The following RBPMS variants were observed in gnomAD, a reference collection of about 807,000 sequenced individuals.
The protein encoded by RBPMS is RNA-binding protein with multiple splicing.
Under a neutral mutation model 26.8 loss-of-function variants are expected in RBPMS, and 7 were observed. The ratio of observed to expected loss-of-function variants is 0.26; its 90% confidence interval spans 0.15 to 0.49. RBPMS has a LOEUF of 0.49. Among genes scored for constraint, RBPMS ranks in the 20% least tolerant of loss-of-function variants. The probability of loss-of-function intolerance (pLI) is 0.98; values close to 1 mark genes in which losing one functional copy is unlikely to be tolerated. For missense variants in RBPMS, 186 were observed against 250.0 expected (o/e 0.74, Z 1.73); for synonymous variants, 96 against 93.3 (o/e 1.03, Z -0.17).
chr8:30,448,016 C>A (rs1031981919), intron 1 of RBPMS, among the ~76,000 whole-genome samples: 2 of 152,070 alleles, frequency 1.3e-5, no homozygotes, highest in African/African-American at 4.8e-5. Context: ...TTTCAGTGTT[C>A]CTAAATTTCC....
At chr8:30,524,366 C>A (rs2150993366) in intron 5 of RBPMS, among the ~76,000 whole-genome samples, 1 of 152,192 alleles carries the variant, frequency 6.6e-6, no homozygotes, top group South Asian at 2.1e-4. Flanking sequence ...ATGTACACAG[C>A]CAACAGCCAT....
intron 1 of RBPMS, among the ~76,000 whole-genome samples, chr8:30,458,960 T>A (rs1308177474): frequency 6.0e-5 from 9 of 150,592 alleles, no homozygotes; most frequent in Non-Finnish European, 5.9e-5. Context: ...CCCAGCATGT[T>A]GGCTTTTTTT....
chr8:30,558,620 A>T (rs1827177865), intron 6 of RBPMS: 1 of 564,346 alleles, frequency 1.8e-6, no homozygotes, highest in Admixed American at 3.0e-5. Context: ...GGAGGATGAG[A>T]GCAGAGGAGT....
At chr8:30,425,828 A>C (rs1353115162) in intron 1 of RBPMS, among the ~76,000 whole-genome samples, 1 of 152,116 alleles carries the variant, frequency 6.6e-6, no homozygotes, top group African/African-American at 2.4e-5. Context: ...TAACAATCCT[A>C]GGAGGAGGTA....
Position 30,571,542 on chromosome 8 carries a change from A to ATGTC in RBPMS, c.*1021_*1024dup, listed in dbSNP as rs1828251310. Reference sequence around the variant, plus strand: ...CCCACCTGGCTGCAGTGGGCAGCTCATGTCTGTATCTCCAAAGTGATGTTT... The same window carrying ATGTC: ...CCCACCTGGCTGCAGTGGGCAGCTCATGTCTGTCTGTATCTCCAAAGTGATGTTT... On this transcript the variant is annotated 3_prime_UTR_variant, in exon 9 of 9. Coordinates refer to ENST00000397323, the MANE Select transcript of RBPMS (RefSeq NM_001008710.3). The ATGTC allele has an allele frequency of 1.3e-5, 2 of 152,216 alleles. No individual in the cohort carries two copies. The highest frequency in any genetic ancestry group is 2.9e-5 in the Non-Finnish European group (2 of 68,056). The allele number at this position is 152,216 out of a possible 1,614,324, so 9.4% of individuals were successfully genotyped here. A position where few individuals can be genotyped will look rare whatever the true frequency, so the allele number is the denominator to read the frequency against.
At chr8:30,549,630 G>A in intron 6 of RBPMS, 1 of 1,467,234 alleles carries the variant, frequency 6.8e-7, no homozygotes, top group Non-Finnish European at 9.6e-7. Context: ...ACAGGAGGAG[G>A]GGCGGACGGG....
At chr8:30,472,615 A>G (rs775787256) in intron 1 of RBPMS, among the ~76,000 whole-genome samples, 5 of 152,256 alleles carry the variant, frequency 3.3e-5, no homozygotes, top group Non-Finnish European at 7.3e-5. Context: ...ATATATCATA[A>G]AATAAGGCAT....
chr8:30,428,420 C>T (rs151247049), intron 1 of RBPMS, among the ~76,000 whole-genome samples: 2 of 151,832 alleles, frequency 1.3e-5, no homozygotes, highest in East Asian at 3.9e-4. Flanking sequence ...CATGCCACTG[C>T]ACTGCAGCCT....
intron 1 of RBPMS, among the ~76,000 whole-genome samples, chr8:30,415,023 C>T (rs1265743783): frequency 1.3e-5 from 2 of 152,148 alleles, no homozygotes; most frequent in Admixed American, 6.5e-5. Flanking sequence ...TCCTTTGTCC[C>T]AGACTTCTGT....
In RBPMS at chr8:30,426,680, C is replaced by CTT. The variant is rs796851926; in HGVS notation, c.66+41537_66+41538dup. Among the ~76,000 whole-genome samples, 897 of 127,668 alleles carry CTT rather than the reference C, an allele frequency of 7.0e-3. 6 individuals carry two copies. The highest frequency in any genetic ancestry group is 0.01 in the Non-Finnish European group (592 of 58,636). The allele number at this position is 127,668 out of a possible 152,430, so 83.8% of individuals were successfully genotyped here. A position where few individuals can be genotyped will look rare whatever the true frequency, so the allele number is the denominator to read the frequency against. On this transcript the variant is annotated intron_variant, in intron 1 of 8. Transcript: ENST00000397323. ...TTCTCACTTTGCTTGCAGTGATTTT[C>CTT]TTTTTTTTTTTTTTTTGCTTACTAT... is the stretch of plus-strand genomic sequence containing the variant.
chr8:30,521,364 T>C (rs891949929), intron 5 of RBPMS, among the ~76,000 whole-genome samples: 7 of 152,242 alleles, frequency 4.6e-5, no homozygotes, highest in Non-Finnish European at 1.0e-4. Context: ...TATGGTTCTG[T>C]CATGATTGGT....
chr8:30,547,608 G>A, intron 6 of RBPMS: 1 of 783,202 alleles, frequency 1.3e-6, no homozygotes, highest in Non-Finnish European at 1.9e-6. Flanking sequence ...GGAGAATTGG[G>A]CCTGTGACAC....
At chr8:30,456,643 T>C (rs1284449153) in intron 1 of RBPMS, among the ~76,000 whole-genome samples, 1 of 152,126 alleles carries the variant, frequency 6.6e-6, no homozygotes, top group African/African-American at 2.4e-5. Flanking sequence ...TAATTAACAA[T>C]AGCTTAGATG....
intron 5 of RBPMS, among the ~76,000 whole-genome samples, chr8:30,538,562 T>C (rs1256999032): frequency 6.6e-6 from 1 of 152,166 alleles, no homozygotes. Flanking sequence ...GGCAACAATC[T>C]TTTCATTAGC....
At chr8:30,448,678 C>G (rs902456010) in intron 1 of RBPMS, among the ~76,000 whole-genome samples, 1 of 152,170 alleles carries the variant, frequency 6.6e-6, no homozygotes, top group African/African-American at 2.4e-5. Flanking sequence ...ATGTCTTGTT[C>G]AAGATTCAAA....
intron 4 of RBPMS, among the ~76,000 whole-genome samples, chr8:30,495,375 G>A (rs570310220): frequency 1.3e-4 from 20 of 151,660 alleles, no homozygotes; most frequent in Middle Eastern, 6.8e-3. Context: ...GTTCAATTAG[G>A]CAATCAAGCG....
chr8:30,558,607 A>C (rs1280309304), intron 6 of RBPMS: 1 of 539,038 alleles, frequency 1.9e-6, no homozygotes, highest in Non-Finnish European at 3.4e-6. Context: ...CTAACCTTTA[A>C]AAGGAGGATG....
At chr8:30,448,921 G>A (rs1408867044) in intron 1 of RBPMS, among the ~76,000 whole-genome samples, 1 of 152,160 alleles carries the variant, frequency 6.6e-6, no homozygotes, top group Non-Finnish European at 1.5e-5. Flanking sequence ...TACCCATGGG[G>A]GGGAACTTTG....
At chr8:30,511,480 AAAAAAAATATATATAT>A (rs1437025606) in intron 5 of RBPMS, among the ~76,000 whole-genome samples, 3 of 16,526 alleles carry the variant, frequency 1.8e-4, no homozygotes, top group African/African-American at 8.2e-4. Context: ...AGAAAAAAAA[AAAAAAAATATATATAT>A]ATATATATAT....
Sources: allele counts gnomAD v4.1 joint callset (sites outside exome capture counted in the v4.1 genomes callset), GRCh38; gene constraint gnomAD v4.1.1; transcripts MANE v1.5; gene names NCBI Gene and HGNC (gene_info 2026-07-23, HGNC 2026-07-21).